SAP130: variants seen among roughly 807,000 people sequenced by gnomAD.
SAP130 encodes Sin3A associated protein 130.
SAP130 carries 16 observed loss-of-function variants against 103.2 expected under a neutral mutation model. That is an observed-to-expected ratio of 0.16 (90% CI 0.10 to 0.24). The LOEUF is 0.24. Among genes scored for constraint, SAP130 ranks in the 10% least tolerant of loss-of-function variants. SAP130 has a pLI of 1.00. For missense variants in SAP130, 990 were observed against 1,359.7 expected (o/e 0.73, Z 4.28); for synonymous variants, 477 against 497.0 (o/e 0.96, Z 0.53).
chr2:128,012,297 C>T (rs567513754), intron 6 of SAP130, among the ~76,000 whole-genome samples: 153 of 152,202 alleles, frequency 1.0e-3, no homozygotes, highest in African/African-American at 3.4e-3. Context: ...GGGTGAAATC[C>T]TGTCTCTACT....
chr2:128,007,068 T>C (rs540398063), intron 7 of SAP130, among the ~76,000 whole-genome samples: 2 of 152,248 alleles, frequency 1.3e-5, no homozygotes, highest in South Asian at 4.1e-4. Context: ...ATTAAAACAA[T>C]CAACACAATG....
intron 2 of SAP130, among the ~76,000 whole-genome samples, chr2:128,024,129 A>G (rs1685338293): frequency 6.6e-6 from 1 of 152,226 alleles, no homozygotes; most frequent in African/African-American, 2.4e-5. Flanking sequence ...AGCAGGAGTC[A>G]TAAGTAGCTT....
At chr2:127,974,249 C>T (rs1424092535) in intron 15 of SAP130, among the ~76,000 whole-genome samples, 1 of 152,176 alleles carries the variant, frequency 6.6e-6, no homozygotes, top group Non-Finnish European at 1.5e-5. Context: ...CCTCCAATGG[C>T]TCTCCGTCTT....
chr2:128,016,171 G>A (rs1684762073), intron 4 of SAP130, among the ~76,000 whole-genome samples: 1 of 151,912 alleles, frequency 6.6e-6, no homozygotes, highest in Non-Finnish European at 1.5e-5. Flanking sequence ...TCTAGTAGCT[G>A]CTCAATAAAT....
intron 15 of SAP130, among the ~76,000 whole-genome samples, chr2:127,972,954 C>T (rs1681193160): frequency 6.6e-6 from 1 of 151,992 alleles, no homozygotes; most frequent in African/African-American, 2.4e-5. Context: ...CAAAAATAAG[C>T]AAACAAAAAC....
rs1360480329 is a variant in SAP130, at chr2:127,986,081, G to A, written c.1958+704C>T. ...GTAAAACCCTACACTCATTCTCCAAGCCCACGTGTGATCCCATTCTTCCAG... is the reference window on the plus strand; with the variant it reads ...GTAAAACCCTACACTCATTCTCCAAACCCACGTGTGATCCCATTCTTCCAG... On this transcript the variant is annotated intron_variant, in intron 14 of 20. Transcript: ENST00000643581. This position sits in a 1 kb window ranked among gnomAD's most constrained non-coding sequence, Gnocchi z 4.7. 6.6e-6 allele frequency among the ~76,000 whole-genome samples: 1 copy of A among 152,198 alleles called. No individual in the cohort carries two copies. The highest frequency in any genetic ancestry group is 1.5e-5 in the Non-Finnish European group (1 of 68,046).
In SAP130 at chr2:127,987,049, A is replaced by G. The variant is rs960646831; in HGVS notation, c.1781-87T>C. The G allele has an allele frequency of 4.3e-6, 5 of 1,158,116 alleles. No homozygotes were observed. In the African/African-American group the frequency reaches 7.6e-5, roughly 18 times the overall value. The allele number at this position is 1,158,116 out of a possible 1,614,324, so 71.7% of individuals were successfully genotyped here. Reference sequence around the variant, plus strand: ...CATAAATAAAAATGATGAGACCACTAGAATTAGGTATCCATGTTCTAACTG... The same window carrying G: ...CATAAATAAAAATGATGAGACCACTGGAATTAGGTATCCATGTTCTAACTG... On this transcript the variant is annotated intron_variant, in intron 13 of 20. Coordinates refer to ENST00000643581, the MANE Select transcript of SAP130 (RefSeq NM_001330301.2).
At position 127,942,309 on chromosome 2, in the gene SAP130, G is replaced by A. The variant is rs1048031104; in HGVS notation, c.3015+115C>T. The A allele has an allele frequency of 5.5e-5, 59 of 1,082,466 alleles. No individual in the cohort carries two copies. The highest frequency in any genetic ancestry group is 7.6e-5 in the Non-Finnish European group (55 of 723,966). 67.1% of individuals were successfully genotyped at this position (1,082,466 alleles called of 1,614,324 possible). A position where few individuals can be genotyped will look rare whatever the true frequency, so the allele number is the denominator to read the frequency against. ...TTGTTTCTCAGGAGTGCAGGCTGAA[G>A]CACGTATGTTTTTACTGAAGATATG... On this transcript the variant is annotated intron_variant, in intron 20 of 20. Transcript: ENST00000643581. This position sits in a 1 kb window ranked among gnomAD's most constrained non-coding sequence, Gnocchi z 4.8.
At chr2:128,026,148 G>A in intron 2 of SAP130, 33 bp downstream of exon 2, 1 of 1,403,452 alleles carries the variant, frequency 7.1e-7, no homozygotes, top group Non-Finnish European at 9.9e-7. Flanking sequence ...TCTTAAAGTA[G>A]GAAAAAATAT....
At chr2:127,947,585 C>A (rs1054259371) in intron 18 of SAP130, among the ~76,000 whole-genome samples, 1 of 152,194 alleles carries the variant, frequency 6.6e-6, no homozygotes, top group African/African-American at 2.4e-5. Flanking sequence ...TTAAAAGACA[C>A]TGCAGAGAAA....
chr2:127,965,451 A>T (rs891053451), intron 15 of SAP130, among the ~76,000 whole-genome samples: 1 of 152,134 alleles, frequency 6.6e-6, no homozygotes, highest in African/African-American at 2.4e-5. Flanking sequence ...AGCTTGAGTG[A>T]CACAGTGAGA....
In SAP130 at chr2:128,010,369, T is replaced by G; in HGVS notation, c.769A>C (p.Asn257His). ...IQSRPPVTTS[N>H]AIPPAVVATV... The stretch of plus-strand genomic sequence containing the variant: ...GCTACCACAGCAGGAGGGATGGCAT[T>G]GGAGGTGGTCACAGGTGGCCGAGAC... The change falls in exon 7 of 21, where the codon AAT (asparagine) becomes CAT (histidine). Residue 257 changes from asparagine (N) to histidine (H), a missense_variant. By Grantham distance (68) the Asn-to-His change is moderately conservative (BLOSUM62 1). Transcript: ENST00000643581. 1 of 1,613,866 alleles carries G rather than the reference T, an allele frequency of 6.2e-7. No individual in the cohort carries two copies. Among genetic ancestry groups the G allele is most frequent in the Non-Finnish European group, 8.5e-7 (1 of 1,179,874 alleles).
At chr2:127,972,618 T>A (rs1446851138) in intron 15 of SAP130, among the ~76,000 whole-genome samples, 2 of 152,016 alleles carry the variant, frequency 1.3e-5, no homozygotes, top group African/African-American at 4.8e-5. Context: ...ATTAGCCAGG[T>A]GTGATGGTGG....
intron 18 of SAP130, 120 bp downstream of exon 18, chr2:127,949,748 TG>T: frequency 2.8e-6 from 3 of 1,053,180 alleles, no homozygotes; most frequent in East Asian, 2.6e-5. Context: ...CTCAAGATTT[TG>T]TAACAAAAAC....
At chr2:127,971,509 G>C (rs1433041403) in intron 15 of SAP130, among the ~76,000 whole-genome samples, 2 of 152,052 alleles carry the variant, frequency 1.3e-5, no homozygotes, top group Non-Finnish European at 2.9e-5. Flanking sequence ...GGATGGTCTC[G>C]ATCTCCTGAC....
At chr2:128,025,588 C>G (rs908249254) in intron 2 of SAP130, among the ~76,000 whole-genome samples, 1 of 152,166 alleles carries the variant, frequency 6.6e-6, no homozygotes, top group African/African-American at 2.4e-5. Context: ...TCATTATTCC[C>G]TTAGCAATAC....
chr2:128,027,032 TG>T (rs1685552422), intron 1 of SAP130: 8 of 1,336,742 alleles, frequency 6.0e-6, no homozygotes, highest in Non-Finnish European at 6.9e-6. Flanking sequence ...GTCTCCGGGG[TG>T]GGGGTGCGGA....
At chr2:127,994,329 G>C (rs114620110) in intron 11 of SAP130, among the ~76,000 whole-genome samples, 1 of 152,180 alleles carries the variant, frequency 6.6e-6, no homozygotes, top group African/African-American at 2.4e-5. Context: ...TCAGGAGTTC[G>C]AGACCAGCCT....
intron 15 of SAP130, among the ~76,000 whole-genome samples, chr2:127,960,035 G>A (rs1163051080): frequency 1.3e-5 from 2 of 152,130 alleles, no homozygotes; most frequent in Admixed American, 1.3e-4. Context: ...GGACTGTACA[G>A]GTAAGAGCCA....
Sources: allele counts gnomAD v4.1 joint callset (sites outside exome capture counted in the v4.1 genomes callset), GRCh38; gene constraint gnomAD v4.1.1; non-coding constraint Gnocchi (gnomAD v3.1); transcripts MANE v1.5; gene names NCBI Gene and HGNC (gene_info 2026-07-23, HGNC 2026-07-21).